The following SLC25A12 variants were observed in gnomAD, a reference collection of about 807,000 sequenced individuals.
SLC25A12 encodes the protein solute carrier family 25 member 12, also known as electrogenic aspartate/glutamate antiporter SLC25A12, mitochondrial.
SLC25A12 carries 32 observed loss-of-function variants against 83.3 expected under a neutral mutation model. The observed-to-expected ratio is 0.38, with a 90% CI of 0.29 to 0.52. SLC25A12 has a LOEUF of 0.52. Among genes scored for constraint, SLC25A12 ranks in the 20% least tolerant of loss-of-function variants. The pLI is 0.84. For missense variants in SLC25A12, 611 were observed against 835.6 expected, an observed-to-expected ratio of 0.73 and a Z score of 3.31; for synonymous variants, 267 against 291.1, an observed-to-expected ratio of 0.92 and a Z score of 0.84.
At chr2:171,816,769 C>T (rs1684057860) in intron 9 of SLC25A12, among the ~76,000 whole-genome samples, 1 of 152,074 alleles carries the variant, frequency 6.6e-6, no homozygotes, top group Admixed American at 6.6e-5. Flanking sequence ...GTTTCAAAGA[C>T]AACAGTTGAA....
intron 10 of SLC25A12, among the ~76,000 whole-genome samples, 167 bp from the exon 11 acceptor site, chr2:171,813,664 G>C (rs1413639396): frequency 6.6e-6 from 1 of 152,138 alleles, no homozygotes; most frequent in Non-Finnish European, 1.5e-5. Flanking sequence ...AGGGATAGCA[G>C]GCTATAGCAA....
At chr2:171,818,818 A>G (rs1684111529) in intron 9 of SLC25A12, among the ~76,000 whole-genome samples, 1 of 152,008 alleles carries the variant, frequency 6.6e-6, no homozygotes, top group Non-Finnish European at 1.5e-5. Context: ...CCTCTTTCAA[A>G]TGACACACTA....
chr2:171,805,368 C>T (rs1683804825), intron 13 of SLC25A12, among the ~76,000 whole-genome samples: 1 of 152,142 alleles, frequency 6.6e-6, no homozygotes, highest in African/African-American at 2.4e-5. Flanking sequence ...GCTTCGGCCT[C>T]CCAAAGTACT....
intron 8 of SLC25A12, among the ~76,000 whole-genome samples, chr2:171,831,939 G>A (rs754967352): frequency 1.5e-4 from 23 of 151,882 alleles, no homozygotes; most frequent in Non-Finnish European, 3.1e-4. Context: ...CGTAACAACA[G>A]CTAGATCTTC....
intron 3 of SLC25A12, among the ~76,000 whole-genome samples, chr2:171,863,229 A>G (rs543944261): frequency 1.3e-5 from 2 of 152,296 alleles, no homozygotes; most frequent in South Asian, 4.2e-4. Context: ...AAAGATGATT[A>G]TAAGAAGAAA....
At chr2:171,867,933 C>T (rs145877386) in intron 3 of SLC25A12, among the ~76,000 whole-genome samples, 2,847 of 152,228 alleles carry the variant, frequency 0.019, 57 homozygotes, top group Admixed American at 0.067. Flanking sequence ...CAAGCTCTGC[C>T]TCCTGGGTTC....
At chr2:171,851,954 C>T (rs1055731115) in intron 4 of SLC25A12, among the ~76,000 whole-genome samples, 1 of 152,194 alleles carries the variant, frequency 6.6e-6, no homozygotes, top group South Asian at 2.1e-4. Context: ...CACTTGTGGA[C>T]AATGGTGAGA....
intron 3 of SLC25A12, among the ~76,000 whole-genome samples, chr2:171,865,791 T>C (rs2105913942): frequency 6.6e-6 from 1 of 152,242 alleles, no homozygotes. Context: ...TAAAGTGGAA[T>C]ACTTGCCTGG....
chr2:171,785,253 C>T lies in SLC25A12; in HGVS notation c.*21G>A. The stretch of plus-strand genomic sequence containing the variant: ...CCTCTTTCTTCAAGGCGCCATTTTG[C>T]CACACTCAACAGTTGTCTCATCACT... On this transcript the variant is annotated 3_prime_UTR_variant, in exon 18 of 18. Transcript: ENST00000422440. 6.2e-7 allele frequency: 1 copy of T among 1,613,086 alleles called. No individual in the cohort carries two copies. Among genetic ancestry groups the T allele is most frequent in the Non-Finnish European group, 8.5e-7 (1 of 1,179,278 alleles).
intron 3 of SLC25A12, among the ~76,000 whole-genome samples, chr2:171,867,405 C>T (rs903518841): frequency 3.3e-5 from 5 of 152,152 alleles, no homozygotes; most frequent in Admixed American, 1.3e-4. Flanking sequence ...CCAAGGCTGG[C>T]GGATCACTCG....
At chr2:171,875,926 A>G (rs1353437759) in intron 2 of SLC25A12, among the ~76,000 whole-genome samples, 1 of 149,766 alleles carries the variant, frequency 6.7e-6, no homozygotes, top group Admixed American at 6.6e-5. Context: ...AAAAAAAAAA[A>G]AAAAGAAACC....
Position 171,815,153 on chromosome 2 carries a change from G to A in SLC25A12, c.980C>T (p.Ala327Val), listed in dbSNP as rs150833724. 8 of 1,613,854 alleles carry A rather than the reference G, an allele frequency of 5.0e-6. No individual in the cohort carries two copies. Among genetic ancestry groups the A allele is most frequent in the East Asian group, 4.5e-5 (2 of 44,874 alleles). Residue 327 changes from alanine to valine, a missense_variant, in exon 10 of 18, where the codon GCT becomes GTT. Physicochemically the swap from Ala to Val is moderately conservative, Grantham distance 64. Around this residue, in one of 3 missense-constraint regions of SLC25A12, gnomAD observed 540 missense variants for 777.5 expected, o/e 0.69. Coordinates refer to ENST00000422440, the MANE Select transcript of SLC25A12 (RefSeq NM_003705.5). ...AACTGAGCCCAGAGTGAATCTGTAA[G>A]CAGACTCGGCAATCTGGAGCCAGAT... ...RPIWLQIAESAYRFTLGSVAG... is the reference protein window; with the variant it reads ...RPIWLQIAESVYRFTLGSVAG...
At chr2:171,810,467 A>T (rs185935034) in intron 11 of SLC25A12, among the ~76,000 whole-genome samples, 191 bp from the exon 12 acceptor site, 1 of 152,348 alleles carries the variant, frequency 6.6e-6, no homozygotes, top group Admixed American at 6.5e-5. Context: ...GTATAATGTC[A>T]CGTTTTCTTG....
chr2:171,823,983 C>T (rs1211180474), intron 9 of SLC25A12, among the ~76,000 whole-genome samples: 1 of 151,984 alleles, frequency 6.6e-6, no homozygotes, highest in African/African-American at 2.4e-5. Flanking sequence ...TGAGGTTCTT[C>T]CTTTGGGGAC....
At chr2:171,865,339 T>C (rs1477689362) in intron 3 of SLC25A12, among the ~76,000 whole-genome samples, 1 of 152,206 alleles carries the variant, frequency 6.6e-6, no homozygotes, top group Non-Finnish European at 1.5e-5. Flanking sequence ...GAATAAAATA[T>C]ATAGTTTAAT....
At position 171,811,064 on chromosome 2, in the gene SLC25A12, C is replaced by T. The variant is rs183279609; in HGVS notation, c.1172-788G>A. Among the ~76,000 whole-genome samples the T allele has an allele frequency of 9.2e-5, 14 of 152,296 alleles. No homozygotes were observed. The East Asian group carries it at 2.5e-3, about 27-fold the overall frequency. On this transcript the variant is annotated intron_variant, in intron 11 of 17. Coordinates refer to ENST00000422440, the MANE Select transcript of SLC25A12 (RefSeq NM_003705.5). ...GTTGGGCTCAGCTTTCTAAAGCACA[C>T]AGCTTATCCAAATTGTTAGCATACT...
chr2:171,796,310 C>T (rs1279605031), intron 13 of SLC25A12, among the ~76,000 whole-genome samples: 1 of 152,202 alleles, frequency 6.6e-6, no homozygotes, highest in African/African-American at 2.4e-5. Context: ...AGTTACCTAG[C>T]ACACATACCA....
At chr2:171,887,679 G>A (rs1685848310) in intron 2 of SLC25A12, among the ~76,000 whole-genome samples, 1 of 152,178 alleles carries the variant, frequency 6.6e-6, no homozygotes, top group Non-Finnish European at 1.5e-5. Context: ...ATGACAGTGT[G>A]TGGGTGAGAG....
intron 2 of SLC25A12, among the ~76,000 whole-genome samples, chr2:171,891,286 G>A (rs997591719): frequency 2.2e-4 from 34 of 151,180 alleles, no homozygotes; most frequent in Non-Finnish European, 3.4e-4. Context: ...GCGACAGAGC[G>A]AGACTCCATC....
Sources: allele counts gnomAD v4.1 joint callset (sites outside exome capture counted in the v4.1 genomes callset), GRCh38; gene constraint gnomAD v4.1.1; regional missense constraint gnomAD v4.1.1; transcripts MANE v1.5; gene names NCBI Gene and HGNC (gene_info 2026-07-23, HGNC 2026-07-21).